The following FRMD4A variants were observed in gnomAD, a reference collection of about 807,000 sequenced individuals.
FRMD4A encodes FERM domain-containing protein 4A.
In FRMD4A, 29 loss-of-function variants were observed where a neutral mutation model predicts 129.1. The observed-to-expected ratio is 0.22, with a 90% CI of 0.17 to 0.31. The LOEUF is 0.31. Ranked by LOEUF, FRMD4A falls within the 10% of genes least tolerant of loss-of-function variation. The probability of loss-of-function intolerance (pLI) is 1.00; values close to 1 mark genes in which losing one functional copy is unlikely to be tolerated. For missense variants in FRMD4A, 1,272 were observed against 1,375.8 expected (o/e 0.92, Z 1.19); for synonymous variants, 634 against 571.6 (o/e 1.11, Z -1.56).
At chr10:13,885,206 A>G (rs1281717512) in intron 2 of FRMD4A, among the ~76,000 whole-genome samples, 1 of 152,210 alleles carries the variant, frequency 6.6e-6, no homozygotes, top group Non-Finnish European at 1.5e-5. Flanking sequence ...GAAACATAGC[A>G]AGATCCCATC....
intron 17 of FRMD4A, among the ~76,000 whole-genome samples, chr10:13,669,455 T>C (rs927719604): frequency 1.3e-5 from 2 of 152,214 alleles, no homozygotes; most frequent in Non-Finnish European, 2.9e-5. Flanking sequence ...GAGATTCCTC[T>C]AACACAGATG....
At chr10:13,873,270 G>GA (rs35088324) in intron 2 of FRMD4A, among the ~76,000 whole-genome samples, 2,632 of 141,998 alleles carry the variant, frequency 0.019, 72 homozygotes, top group African/African-American at 0.055. Flanking sequence ...AGATAAGGCT[G>GA]AAAAAAAAAA....
chr10:14,261,620 G>A (rs200907863), intron 2 of FRMD4A, among the ~76,000 whole-genome samples: 1 of 152,086 alleles, frequency 6.6e-6, no homozygotes, highest in East Asian at 1.9e-4. Context: ...TTTCAACCTG[G>A]TCTCTACAAC....
rs557592352 is a variant in FRMD4A, at chr10:13,961,798, T to C, written c.46-102886A>G. ...TATTAATGCTGCTGAGTAAATGATG[T>C]TAGATTTCCACCTTTATAAGAATAT... On this transcript the variant is annotated intron_variant, in intron 2 of 24. Transcript: ENST00000357447. Among the ~76,000 whole-genome samples, 3 of 152,334 alleles carry C rather than the reference T, an allele frequency of 2.0e-5. No homozygotes were observed. In the East Asian group the frequency reaches 5.8e-4, roughly 29 times the overall value.
At chr10:13,654,213 C>A (rs2081936971) in intron 23 of FRMD4A, 1 of 603,530 alleles carries the variant, frequency 1.7e-6, no homozygotes, top group Non-Finnish European at 3.0e-6. Context: ...AGAACACAGA[C>A]AATTCACCTC....
chr10:13,998,737 G>A (rs2095631623), intron 2 of FRMD4A, among the ~76,000 whole-genome samples: 2 of 152,258 alleles, frequency 1.3e-5, no homozygotes, highest in Admixed American at 1.3e-4. Context: ...TAAATTCAGA[G>A]TCCATTCACT....
In FRMD4A at chr10:14,133,101, C is replaced by T. The variant is rs376291563; in HGVS notation, c.45+196957G>A. Among the ~76,000 whole-genome samples, 7 of 152,198 alleles carry T rather than the reference C, an allele frequency of 4.6e-5. No homozygotes were observed. The East Asian group carries it at 7.7e-4, about 17-fold the overall frequency. On this transcript the variant is annotated intron_variant, in intron 2 of 24. Coordinates refer to ENST00000357447, the MANE Select transcript of FRMD4A (RefSeq NM_018027.5). ...GAATATTTGATTCAAGATTTCATGG[C>T]AGAAGGAAGTGCATTTTTGATAAAA...
intron 2 of FRMD4A, among the ~76,000 whole-genome samples, chr10:14,069,230 G>T (rs912490585): frequency 1.3e-5 from 2 of 152,188 alleles, no homozygotes; most frequent in Non-Finnish European, 2.9e-5. Flanking sequence ...AATTCATATG[G>T]TGATAGACTA....
chr10:13,940,183 G>A (rs78146927), intron 2 of FRMD4A, among the ~76,000 whole-genome samples: 2,906 of 151,918 alleles, frequency 0.019, 54 homozygotes, highest in Non-Finnish European at 0.028. Flanking sequence ...GTGCTTCCTT[G>A]GGGGTCTGAC....
At chr10:13,652,932 A>G (rs1368119081) in intron 23 of FRMD4A, 1 of 151,952 alleles carries the variant, frequency 6.6e-6, no homozygotes, top group Non-Finnish European at 1.5e-5. Flanking sequence ...AACTACCGGT[A>G]TAGTGGGGAA....
intron 9 of FRMD4A, among the ~76,000 whole-genome samples, chr10:13,746,220 T>C (rs1447823040): frequency 6.6e-6 from 1 of 151,912 alleles, no homozygotes; most frequent in South Asian, 2.1e-4. Context: ...TTTTTTTGTT[T>C]GTTTGTTTTG....
chr10:14,216,033 G>A lies in FRMD4A; in HGVS notation c.45+114025C>T, dbSNP rs141088104. On this transcript the variant is annotated intron_variant, in intron 2 of 24. Transcript: ENST00000357447. ...ATTGCAATCTCCATGGGGGAAAGAA[G>A]TTCCACTACACGTTCTGTAGCGGCA... 1.8e-3 allele frequency among the ~76,000 whole-genome samples: 270 copies of A among 152,236 alleles called. 1 individual carries two copies. Among genetic ancestry groups the A allele is most frequent in the Non-Finnish European group, 3.3e-3 (226 of 68,018 alleles).
intron 2 of FRMD4A, among the ~76,000 whole-genome samples, chr10:14,312,417 T>C (rs1284499711): frequency 1.3e-5 from 2 of 152,206 alleles, no homozygotes; most frequent in African/African-American, 4.8e-5. Flanking sequence ...TCGCATGATA[T>C]CCCTTTGAAG....
At chr10:13,864,338 CAAAAA>C (rs149602938) in intron 2 of FRMD4A, among the ~76,000 whole-genome samples, 15 of 114,692 alleles carry the variant, frequency 1.3e-4, no homozygotes, top group Non-Finnish European at 5.3e-5. Context: ...CATCTTGAGT[CAAAAA>C]AAAAAAAAAA....
intron 2 of FRMD4A, among the ~76,000 whole-genome samples, chr10:13,892,917 C>T (rs10437552): frequency 0.011 from 1,620 of 152,192 alleles, 30 homozygotes; most frequent in African/African-American, 0.037. Flanking sequence ...CTAAACAACA[C>T]TGGTAAAAAT....
chr10:13,924,128 C>G (rs529076977), intron 2 of FRMD4A, among the ~76,000 whole-genome samples: 1 of 152,204 alleles, frequency 6.6e-6, no homozygotes, highest in East Asian at 1.9e-4. Context: ...TACTATGTGC[C>G]CATCTCATGG....
intron 2 of FRMD4A, among the ~76,000 whole-genome samples, chr10:14,042,992 G>A (rs1022412311): frequency 1.2e-4 from 18 of 150,812 alleles, no homozygotes; most frequent in African/African-American, 4.9e-5. Flanking sequence ...ATTCTCCCTG[G>A]TGCAGAAAGA....
intron 2 of FRMD4A, among the ~76,000 whole-genome samples, chr10:14,217,810 C>T (rs1490864599): frequency 6.6e-6 from 1 of 151,888 alleles, no homozygotes; most frequent in Non-Finnish European, 1.5e-5. Flanking sequence ...AGATAGTGAT[C>T]ATTTATTTTT....
intron 3 of FRMD4A, among the ~76,000 whole-genome samples, chr10:13,832,147 G>A (rs900373206): frequency 6.7e-6 from 1 of 148,334 alleles, no homozygotes; most frequent in African/African-American, 2.5e-5. Context: ...CCGAGTTGCC[G>A]GCCCAGCTCA....
Sources: gnomAD v4.1 joint callset for allele counts (sites outside exome capture counted in the v4.1 genomes callset) on GRCh38, gnomAD v4.1.1 for gene constraint, MANE v1.5 for transcripts, NCBI Gene and HGNC (gene_info 2026-07-23, HGNC 2026-07-21) for gene names.